Variants in THSD7B observed in about 807,000 individuals in gnomAD.
THSD7B encodes thrombospondin type-1 domain-containing protein 7B.
Under a neutral mutation model 213.6 loss-of-function variants are expected in THSD7B, and 138 were observed. The ratio of observed to expected loss-of-function variants is 0.65; its 90% confidence interval spans 0.56 to 0.74. The LOEUF is 0.74. THSD7B is among the 30% of genes least tolerant of loss of function. The pLI, the probability that THSD7B is intolerant of heterozygous loss-of-function variation, is 0.00. For missense variants in THSD7B, 1,931 were observed against 1,991.5 expected (o/e 0.97, Z 0.58); for synonymous variants, 742 against 687.0 (o/e 1.08, Z -1.25).
intron 12 of THSD7B, among the ~76,000 whole-genome samples, chr2:137,392,312 G>C (rs1051901983): frequency 6.6e-6 from 1 of 152,082 alleles, no homozygotes; most frequent in Non-Finnish European, 1.5e-5. Flanking sequence ...TTGCTTTTCT[G>C]TCTTAATGAT....
At chr2:137,622,480 C>A (rs969630629) in intron 20 of THSD7B, among the ~76,000 whole-genome samples, 4 of 151,894 alleles carry the variant, frequency 2.6e-5, no homozygotes, top group Non-Finnish European at 5.9e-5. Flanking sequence ...AAGATCAGAG[C>A]AGAAGTGAAG....
intron 1 of THSD7B, among the ~76,000 whole-genome samples, chr2:136,841,370 C>T (rs1261002483): frequency 2.0e-5 from 3 of 151,610 alleles, no homozygotes; most frequent in Non-Finnish European, 4.4e-5. Context: ...CTGAGGCAGG[C>T]GGATCACAAT....
intron 13 of THSD7B, 125 bp from the exon 14 acceptor site, chr2:137,411,484 G>C: frequency 1.1e-6 from 1 of 882,922 alleles, no homozygotes. Context: ...CATGACAAAA[G>C]AGTGAAGAAA....
chr2:137,560,539 A>C (rs6723115), intron 15 of THSD7B, among the ~76,000 whole-genome samples: 82,861 of 151,758 alleles, frequency 0.55, 23,209 homozygotes, highest in South Asian at 0.67. Context: ...AGGAGGGGGA[A>C]CATCACACAC....
In THSD7B at chr2:137,609,072, T is replaced by C. The variant is rs114800786; in HGVS notation, c.3424-7103T>C. 3.6e-3 allele frequency among the ~76,000 whole-genome samples: 543 copies of C among 152,294 alleles called. 2 individuals are homozygous for C. Among genetic ancestry groups the C allele is most frequent in the African/African-American group, 0.012 (517 of 41,560 alleles). ...AAACTCATTAGATATCTCAACCCCC[T>C]GGGGAGGCTAAGTGATAAATATTCT... On this transcript the variant is annotated intron_variant, in intron 17 of 27. Coordinates refer to ENST00000409968, the MANE Select transcript of THSD7B (RefSeq NM_001316349.2).
intron 17 of THSD7B, among the ~76,000 whole-genome samples, chr2:137,606,636 G>T (rs1394683588): frequency 6.6e-6 from 1 of 152,144 alleles, no homozygotes; most frequent in Non-Finnish European, 1.5e-5. Context: ...TGGAATTTTT[G>T]TCCTGGGAGT....
At chr2:137,159,065 T>A (rs528110232) in intron 5 of THSD7B, among the ~76,000 whole-genome samples, 1 of 152,300 alleles carries the variant, frequency 6.6e-6, no homozygotes, top group African/African-American at 2.4e-5. Flanking sequence ...CTAGCTCCTA[T>A]AAAATTACAG....
rs55635315 is a variant in THSD7B at position 137,372,323 on chromosome 2, CTTTTTTTT to C, written c.2501-33269_2501-33262del. Among the ~76,000 whole-genome samples, 362 of 57,556 alleles carry C rather than the reference CTTTTTTTT, an allele frequency of 6.3e-3. 1 individual carries two copies. The highest frequency in any genetic ancestry group is 0.018 in the African/African-American group (338 of 19,072). The allele number at this position is 57,556 out of a possible 152,430, so 37.8% of individuals were successfully genotyped here. On this transcript the variant is annotated intron_variant, in intron 12 of 27. Transcript: ENST00000409968. ...AGGCCAGAGAGAGTCTGATAATACT[CTTTTTTTT>C]TTTTTTTTTTTTTTTTTTTTAATAT...
chr2:137,468,703 T>C (rs369185622), intron 15 of THSD7B, among the ~76,000 whole-genome samples: 6 of 151,922 alleles, frequency 3.9e-5, no homozygotes, highest in Admixed American at 3.3e-4. Flanking sequence ...TCTGAGTAAA[T>C]TGAGTCACTG....
chr2:137,064,019 G>C (rs1687329643), intron 3 of THSD7B, among the ~76,000 whole-genome samples: 1 of 151,866 alleles, frequency 6.6e-6, no homozygotes, highest in Admixed American at 6.6e-5. Context: ...CCTTTCTTTT[G>C]TGTCCGTAGC....
At chr2:137,292,447 G>A (rs1238078876) in intron 12 of THSD7B, among the ~76,000 whole-genome samples, 2 of 152,044 alleles carry the variant, frequency 1.3e-5, no homozygotes, top group African/African-American at 4.8e-5. Flanking sequence ...TGAGTACTGT[G>A]TCATCTTATT....
chr2:137,160,157 C>T (rs1401377846), intron 5 of THSD7B, 56 bp from the exon 6 acceptor site: 1 of 1,531,242 alleles, frequency 6.5e-7, no homozygotes, highest in Non-Finnish European at 8.8e-7. Flanking sequence ...AAGGCAGAAG[C>T]AATGCTAAGG....
In THSD7B at chr2:136,937,454, G is replaced by A. The variant is rs147082689; in HGVS notation, c.139+55137G>A. Among the ~76,000 whole-genome samples the A allele has an allele frequency of 1.4e-3, 217 of 152,086 alleles. 2 individuals carry two copies. The highest frequency in any genetic ancestry group is 4.0e-3 in the African/African-American group (168 of 41,500). On this transcript the variant is annotated intron_variant, in intron 2 of 27. Coordinates refer to ENST00000409968, the MANE Select transcript of THSD7B (RefSeq NM_001316349.2). ...TGTCTTCTCTGAACTTGGATTGTCCGAGTTGGCAGGCGTACTTTATGCTGC... is the reference window on the plus strand; with the variant it reads ...TGTCTTCTCTGAACTTGGATTGTCCAAGTTGGCAGGCGTACTTTATGCTGC...
At chr2:137,067,861 T>G (rs943747443) in intron 3 of THSD7B, among the ~76,000 whole-genome samples, 2 of 152,054 alleles carry the variant, frequency 1.3e-5, no homozygotes, top group Non-Finnish European at 2.9e-5. Context: ...AAGAAAATTT[T>G]TTCTTATCTT....
chr2:137,663,549 G>T lies in THSD7B; in HGVS notation c.4625G>T (p.Gly1542Val). 1 of 1,608,558 alleles carries T rather than the reference G, an allele frequency of 6.2e-7. No homozygotes were observed. Among genetic ancestry groups the T allele is most frequent in the Non-Finnish European group, 8.5e-7 (1 of 1,177,212 alleles). ...TCAAAAATACATGATATTTTTAAAG[G>T]ATGGTCTCTTCAACCACTTGATCCA... Reference protein sequence around the residue: ...VNSKIHDIFKGWSLQPLDPDG... With the variant: ...VNSKIHDIFKVWSLQPLDPDG... The change falls in exon 26 of 28, where the codon GGA (glycine) becomes GTA (valine). Residue 1542 changes from glycine to valine, a missense_variant. Gly to Val is a moderately radical substitution (Grantham distance 109, BLOSUM62 -3). Transcript: ENST00000409968.
chr2:137,392,649 T>G (rs1328663368), intron 12 of THSD7B, among the ~76,000 whole-genome samples: 1 of 152,186 alleles, frequency 6.6e-6, no homozygotes, highest in East Asian at 1.9e-4. Flanking sequence ...GAGAGAAAGT[T>G]AGTTTTTTAT....
chr2:137,349,396 T>C (rs1015916650), intron 12 of THSD7B, among the ~76,000 whole-genome samples: 2 of 151,828 alleles, frequency 1.3e-5, no homozygotes, highest in African/African-American at 4.8e-5. Flanking sequence ...TGGGAAACAG[T>C]ACCCCAATGC....
chr2:137,393,627 G>A (rs1686100014), intron 12 of THSD7B, among the ~76,000 whole-genome samples: 1 of 143,978 alleles, frequency 6.9e-6, no homozygotes, highest in Non-Finnish European at 1.5e-5. Context: ...ACATATGTGT[G>A]CATGTGTCTT....
At chr2:137,545,441 T>C (rs776516095) in intron 15 of THSD7B, among the ~76,000 whole-genome samples, 6 of 151,756 alleles carry the variant, frequency 4.0e-5, no homozygotes, top group Non-Finnish European at 8.8e-5. Context: ...AGATAATCTT[T>C]CACACAGGAT....
Sources: gnomAD v4.1 joint callset for allele counts (sites outside exome capture counted in the v4.1 genomes callset) on GRCh38, gnomAD v4.1.1 for gene constraint, MANE v1.5 for transcripts, NCBI Gene and HGNC (gene_info 2026-07-23, HGNC 2026-07-21) for gene names.